PDCD1LG2: variants seen among roughly 807,000 people sequenced by gnomAD.
The protein encoded by PDCD1LG2 is B7 dendritic cell molecule.
Under a neutral mutation model 28.2 loss-of-function variants are expected in PDCD1LG2, and 32 were observed. That is an observed-to-expected ratio of 1.13 (90% CI 0.86 to 1.52). The LOEUF is 1.52. PDCD1LG2 is among the 40% of genes most tolerant of loss of function. PDCD1LG2 has a pLI of 0.00. For missense variants in PDCD1LG2, 385 were observed against 323.8 expected (o/e 1.19, Z -1.45); for synonymous variants, 116 against 120.2 (o/e 0.97, Z 0.23).
chr9:5,553,908 A>G (rs937252867), intron 4 of PDCD1LG2, among the ~76,000 whole-genome samples: 3 of 152,024 alleles, frequency 2.0e-5, no homozygotes, highest in African/African-American at 7.3e-5. Flanking sequence ...CTTCCTCACC[A>G]CATGCTCTCT....
intron 6 of PDCD1LG2, among the ~76,000 whole-genome samples, chr9:5,565,856 T>C (rs1405334836): frequency 1.3e-5 from 2 of 151,826 alleles, no homozygotes; most frequent in Non-Finnish European, 2.9e-5. Context: ...CAAAAAAGAA[T>C]AACGTACAAC....
chr9:5,561,295 G>C (rs1816558825), intron 5 of PDCD1LG2, among the ~76,000 whole-genome samples: 1 of 152,138 alleles, frequency 6.6e-6, no homozygotes. Context: ...CATCATTGCA[G>C]AAAGTTCTAC....
At position 5,534,781 on chromosome 9, in the gene PDCD1LG2, T is replaced by C; in HGVS notation, c.92T>C (p.Ile31Thr). The C allele has an allele frequency of 6.2e-7, 1 of 1,613,950 alleles. No homozygotes were observed. Among genetic ancestry groups the C allele is most frequent in the Non-Finnish European group, 8.5e-7 (1 of 1,179,900 alleles). The change falls in exon 3 of 7, where the codon ATA (isoleucine) becomes ACA (threonine). Residue 31 changes from isoleucine to threonine, a missense_variant. Physicochemically the swap from Ile to Thr is moderately conservative, Grantham distance 89. Coordinates refer to ENST00000397747, the MANE Select transcript of PDCD1LG2 (RefSeq NM_025239.4). ...FTVTVPKELYIIEHGSNVTLE... is the reference protein window; with the variant it reads ...FTVTVPKELYTIEHGSNVTLE... The stretch of plus-strand genomic sequence containing the variant: ...GTGACAGTCCCTAAGGAACTGTACA[T>C]AATAGAGCATGGCAGCAATGTGACC...
intron 2 of PDCD1LG2, among the ~76,000 whole-genome samples, chr9:5,526,844 G>T (rs1217429238): frequency 6.6e-6 from 1 of 151,808 alleles, no homozygotes; most frequent in Non-Finnish European, 1.5e-5. Context: ...AGCAAATATA[G>T]ACATCCTGCA....
rs2129795328 is a variant in PDCD1LG2, at chr9:5,534,973, G to A, written c.284G>A (p.Arg95Lys). The A allele has an allele frequency of 9.3e-6, 15 of 1,614,160 alleles. No individual in the cohort carries two copies. Among genetic ancestry groups the A allele is most frequent in the Non-Finnish European group, 1.3e-5 (15 of 1,180,008 alleles). Residue 95 changes from arginine (R) to lysine (K), a missense_variant, in exon 3 of 7, where the codon AGG becomes AAG. Transcript: ENST00000397747. Reference sequence around the variant, plus strand: ...TTCCACATACCTCAAGTCCAAGTGAGGGACGAAGGACAGTACCAATGCATA... The same window carrying A: ...TTCCACATACCTCAAGTCCAAGTGAAGGACGAAGGACAGTACCAATGCATA... ...ASFHIPQVQV[R>K]DEGQYQCIII...
rs117259388 is a variant in PDCD1LG2, at chr9:5,562,302, C to T, written c.767-860C>T. On this transcript the variant is annotated intron_variant, in intron 5 of 6. Coordinates refer to ENST00000397747, the MANE Select transcript of PDCD1LG2 (RefSeq NM_025239.4). ...TATATATACACCATGGAATACTACT[C>T]AGCCATGAAAAAGAATGAGATAATG... Among the ~76,000 whole-genome samples, 1,321 of 152,236 alleles carry T rather than the reference C, an allele frequency of 8.7e-3. 11 individuals carry two copies. The highest frequency in any genetic ancestry group is 0.014 in the Middle Eastern group (4 of 294).
chr9:5,563,273 A>G, intron 6 of PDCD1LG2, 62 bp downstream of exon 6: 1 of 1,377,628 alleles, frequency 7.3e-7, no homozygotes, highest in South Asian at 1.2e-5. Context: ...CTTGAATTTT[A>G]AAGTAACCAC....
intron 4 of PDCD1LG2, among the ~76,000 whole-genome samples, chr9:5,551,432 A>G (rs1816330741): frequency 6.6e-6 from 1 of 152,178 alleles, no homozygotes; most frequent in African/African-American, 2.4e-5. Context: ...GTAATATAAG[A>G]GTATATTATC....
rs1379440430 is a variant in PDCD1LG2, at chr9:5,546,967, A to G, written c.362-2368A>G. On this transcript the variant is annotated intron_variant, in intron 3 of 6. Coordinates refer to ENST00000397747, the MANE Select transcript of PDCD1LG2 (RefSeq NM_025239.4). ...TGACCCTGCTCTCTAGTGAACCCAGATCTAGTGGGTGTTGTTTGCTATAAT... is the reference window on the plus strand; with the variant it reads ...TGACCCTGCTCTCTAGTGAACCCAGGTCTAGTGGGTGTTGTTTGCTATAAT... Among the ~76,000 whole-genome samples the G allele has an allele frequency of 2.0e-5, 3 of 152,120 alleles. No homozygotes were observed. In the South Asian group the frequency reaches 6.2e-4, roughly 32 times the overall value.
intron 6 of PDCD1LG2, among the ~76,000 whole-genome samples, chr9:5,564,907 A>G (rs776769331): frequency 2.0e-5 from 3 of 152,188 alleles, no homozygotes; most frequent in Non-Finnish European, 4.4e-5. Context: ...CTACTTTAAG[A>G]TACAGTAATG....
rs540530491 is a variant in PDCD1LG2 at position 5,519,463 on chromosome 9, G to T, written c.-14-3070G>T. On this transcript the variant is annotated intron_variant, in intron 1 of 6. Coordinates refer to ENST00000397747, the MANE Select transcript of PDCD1LG2 (RefSeq NM_025239.4). Reference sequence around the variant, plus strand: ...AGCATCAGAATACAGAAAATAAAATGCATGGATAATACACACTGCCATTTG... The same window carrying T: ...AGCATCAGAATACAGAAAATAAAATTCATGGATAATACACACTGCCATTTG... 4.6e-5 allele frequency among the ~76,000 whole-genome samples: 7 copies of T among 152,236 alleles called. No individual in the cohort carries two copies. The East Asian group carries it at 7.7e-4, about 17-fold the overall frequency.
At chr9:5,515,922 CAAAAAAAAAAAAAAA>C (rs1204038026) in intron 1 of PDCD1LG2, among the ~76,000 whole-genome samples, 1 of 30,300 alleles carries the variant, frequency 3.3e-5, no homozygotes, top group South Asian at 2.1e-3. Flanking sequence ...GACTCCATCT[CAAAAAAAAAAAAAAA>C]AAAAAAAAAA....
intron 3 of PDCD1LG2, among the ~76,000 whole-genome samples, chr9:5,537,334 G>A (rs545492997): frequency 4.5e-4 from 68 of 152,134 alleles, no homozygotes; most frequent in Non-Finnish European, 6.9e-4. Context: ...TGGTTCTTCG[G>A]ATTCATGAAT....
rs1173944780 is a variant in PDCD1LG2 at position 5,534,872 on chromosome 9, G to T, written c.183G>T (p.Lys61Asn). 2 of 1,614,182 alleles carry T rather than the reference G, an allele frequency of 1.2e-6. No homozygotes were observed. Among genetic ancestry groups the T allele is most frequent in the South Asian group, 1.1e-5 (1 of 91,088 alleles). Residue 61 changes from lysine to asparagine, a missense_variant, in exon 3 of 7, where the codon AAG (lysine) becomes AAT (asparagine). Physicochemically the swap from Lys to Asn is moderately conservative, Grantham distance 94. Coordinates refer to ENST00000397747, the MANE Select transcript of PDCD1LG2 (RefSeq NM_025239.4). ...NLGAITASLQKVENDTSPHRE... is the reference protein window; with the variant it reads ...NLGAITASLQNVENDTSPHRE... ...GAGCAATAACAGCCAGTTTGCAAAA[G>T]GTGGAAAATGATACATCCCCACACC... is the stretch of plus-strand genomic sequence containing the variant.
intron 5 of PDCD1LG2, among the ~76,000 whole-genome samples, chr9:5,560,131 T>C (rs1194214917): frequency 1.3e-5 from 2 of 152,242 alleles, no homozygotes; most frequent in Non-Finnish European, 2.9e-5. Flanking sequence ...TCTTTCAGTA[T>C]ACTCAGCACA....
intron 6 of PDCD1LG2, among the ~76,000 whole-genome samples, chr9:5,566,547 C>T (rs981297332): frequency 1.3e-5 from 2 of 152,212 alleles, no homozygotes; most frequent in African/African-American, 4.8e-5. Flanking sequence ...GGCATGGTAA[C>T]CAGTAACATT....
At chr9:5,525,774 CAT>C (rs1563822494) in intron 2 of PDCD1LG2, among the ~76,000 whole-genome samples, 4 of 152,184 alleles carry the variant, frequency 2.6e-5, no homozygotes, top group East Asian at 3.9e-4. Flanking sequence ...AGAGGCCGGG[CAT>C]GGTGGCTCAC....
chr9:5,550,762 C>A (rs541571946), intron 4 of PDCD1LG2, among the ~76,000 whole-genome samples: 1 of 152,024 alleles, frequency 6.6e-6, no homozygotes, highest in Non-Finnish European at 1.5e-5. Context: ...GGCACGATCC[C>A]GGCTCACTGC....
Position 5,569,743 on chromosome 9 carries a change from G to A in PDCD1LG2, c.817-211G>A, listed in dbSNP as rs1329278001. Reference sequence around the variant, plus strand: ...AAAGAATGGAAGAGGAACAGCTCTTGCAATAGGTCTGAGGAGAGAAGCTGA... The same window carrying A: ...AAAGAATGGAAGAGGAACAGCTCTTACAATAGGTCTGAGGAGAGAAGCTGA... On this transcript the variant is annotated intron_variant, in intron 6 of 6. Transcript: ENST00000397747. This position sits in a 1 kb window ranked among gnomAD's most constrained non-coding sequence, Gnocchi z 4.1. Among the ~76,000 whole-genome samples the A allele has an allele frequency of 2.0e-5, 3 of 152,196 alleles. No individual in the cohort carries two copies. Among genetic ancestry groups the A allele is most frequent in the Non-Finnish European group, 4.4e-5 (3 of 68,036 alleles).
Sources: gnomAD v4.1 joint callset for allele counts (sites outside exome capture counted in the v4.1 genomes callset) on GRCh38, gnomAD v4.1.1 for gene constraint, Gnocchi (gnomAD v3.1) non-coding constraint, MANE v1.5 for transcripts, NCBI Gene and HGNC (gene_info 2026-07-23, HGNC 2026-07-21) for gene names.